Variants in PTPRK observed in about 807,000 individuals in gnomAD.
PTPRK encodes the protein protein tyrosine phosphatase receptor type K.
A neutral mutation model predicts 178.0 loss-of-function variants in PTPRK; 75 were observed. The ratio of observed to expected loss-of-function variants is 0.42; its 90% confidence interval spans 0.35 to 0.51. The LOEUF (loss-of-function observed/expected upper bound fraction) is 0.51, where lower values mean the gene tolerates loss of function less well. Ranked by LOEUF, PTPRK falls within the 20% of genes least tolerant of loss-of-function variation. The pLI is 0.02. For missense variants in PTPRK, 1,441 were observed against 1,797.8 expected (o/e 0.80, Z 3.59); for synonymous variants, 637 against 620.6 (o/e 1.03, Z -0.39).
chr6:128,316,978 G>A (rs370950106), intron 3 of PTPRK, among the ~76,000 whole-genome samples: 4 of 152,218 alleles, frequency 2.6e-5, no homozygotes, highest in South Asian at 2.1e-4. Flanking sequence ...AAAGAGAATC[G>A]TTAAGATTAA....
intron 3 of PTPRK, among the ~76,000 whole-genome samples, chr6:128,267,700 T>G (rs1426230967): frequency 6.6e-6 from 1 of 152,122 alleles, no homozygotes. Flanking sequence ...CCTGGAACTG[T>G]GGCTATGTAA....
intron 7 of PTPRK, among the ~76,000 whole-genome samples, chr6:128,112,937 C>T (rs554563559): frequency 7.2e-5 from 11 of 152,168 alleles, no homozygotes; most frequent in African/African-American, 2.6e-4. Context: ...AGGATTCTTC[C>T]TTCTACAGTC....
Position 128,145,202 on chromosome 6 carries a change from T to C in PTPRK, c.1162+39230A>G, listed in dbSNP as rs183081138. Among the ~76,000 whole-genome samples, 511 of 152,216 alleles carry C rather than the reference T, an allele frequency of 3.4e-3. 17 individuals carry two copies. The highest frequency in any genetic ancestry group is 0.031 in the Admixed American group (474 of 15,260). On this transcript the variant is annotated intron_variant, in intron 7 of 29. Transcript: ENST00000368226. ...AAAGCTAGAGGTGAATTTGTAATAC[T>C]ACTGTTCCTTAAAAATTTGTTAAGA...
At chr6:128,337,213 T>C (rs1295471955) in intron 2 of PTPRK, among the ~76,000 whole-genome samples, 2 of 152,286 alleles carry the variant, frequency 1.3e-5, no homozygotes, top group South Asian at 2.1e-4. Flanking sequence ...TTAGAATGTG[T>C]AGAATTTTCC....
At chr6:128,335,032 G>C (rs530695540) in intron 2 of PTPRK, among the ~76,000 whole-genome samples, 1 of 152,184 alleles carries the variant, frequency 6.6e-6, no homozygotes, top group Non-Finnish European at 1.5e-5. Flanking sequence ...AGTTTGCACT[G>C]AGCCAAAGCC....
intron 10 of PTPRK, among the ~76,000 whole-genome samples, chr6:128,080,551 G>A (rs1457513628): frequency 1.3e-5 from 2 of 151,934 alleles, no homozygotes; most frequent in East Asian, 3.9e-4. Context: ...GAGTTTTTTA[G>A]GAAGCAGAAA....
intron 7 of PTPRK, among the ~76,000 whole-genome samples, chr6:128,122,931 T>C (rs766525282): frequency 2.0e-5 from 3 of 152,182 alleles, no homozygotes; most frequent in Non-Finnish European, 2.9e-5. Flanking sequence ...TTTATGGATA[T>C]GGCATGGTGT....
At chr6:128,461,673 CAG>C (rs1277925874) in intron 1 of PTPRK, among the ~76,000 whole-genome samples, 1 of 151,314 alleles carries the variant, frequency 6.6e-6, no homozygotes, top group African/African-American at 2.5e-5. Flanking sequence ...TTAACGTAGT[CAG>C]AGTTGTGCAA....
intron 2 of PTPRK, among the ~76,000 whole-genome samples, chr6:128,380,835 C>T (rs1837802857): frequency 6.6e-6 from 1 of 152,130 alleles, no homozygotes; most frequent in South Asian, 2.1e-4. Context: ...AATCTGGGCA[C>T]AGCCCAAACA....
chr6:128,313,670 T>A (rs1161548484), intron 3 of PTPRK, among the ~76,000 whole-genome samples: 1 of 152,100 alleles, frequency 6.6e-6, no homozygotes, highest in Non-Finnish European at 1.5e-5. Context: ...AAAGGCTGAG[T>A]GTTTTGACTT....
At chr6:128,512,229 A>G (rs982768635) in intron 1 of PTPRK, among the ~76,000 whole-genome samples, 2 of 152,212 alleles carry the variant, frequency 1.3e-5, no homozygotes, top group African/African-American at 4.8e-5. Context: ...ATATGGAAAT[A>G]CACTGATTTA....
At chr6:128,386,760 C>T (rs1475087950) in intron 2 of PTPRK, among the ~76,000 whole-genome samples, 1 of 152,154 alleles carries the variant, frequency 6.6e-6, no homozygotes, top group African/African-American at 2.4e-5. Context: ...ATAAACACTT[C>T]TTGCTGCACC....
chr6:128,194,368 G>T (rs911299744), intron 6 of PTPRK, among the ~76,000 whole-genome samples: 4 of 152,048 alleles, frequency 2.6e-5, no homozygotes, highest in Non-Finnish European at 5.9e-5. Flanking sequence ...TTACAGGCGT[G>T]AGCCACCGCG....
At chr6:128,208,823 C>G (rs996859316) in intron 6 of PTPRK, among the ~76,000 whole-genome samples, 1 of 152,112 alleles carries the variant, frequency 6.6e-6, no homozygotes, top group Non-Finnish European at 1.5e-5. Context: ...GGCTTACCCA[C>G]ATTCCTAAAG....
chr6:128,191,528 T>C (rs1169569420), intron 6 of PTPRK, among the ~76,000 whole-genome samples: 1 of 151,872 alleles, frequency 6.6e-6, no homozygotes, highest in Non-Finnish European at 1.5e-5. Context: ...TAATTAATAA[T>C]AATTTATTAT....
At chr6:128,107,550 A>G (rs1007876583) in intron 7 of PTPRK, among the ~76,000 whole-genome samples, 1 of 152,214 alleles carries the variant, frequency 6.6e-6, no homozygotes, top group Non-Finnish European at 1.5e-5. Flanking sequence ...GGTCTTTAAA[A>G]TTATTTGTAT....
At chr6:128,053,710 A>G (rs1451863751) in intron 13 of PTPRK, among the ~76,000 whole-genome samples, 3 of 152,034 alleles carry the variant, frequency 2.0e-5, no homozygotes, top group African/African-American at 7.2e-5. Flanking sequence ...TCTGAATCTA[A>G]CTGACTTCTG....
chr6:128,451,748 A>T (rs975059208), intron 1 of PTPRK, among the ~76,000 whole-genome samples: 33 of 152,248 alleles, frequency 2.2e-4, no homozygotes, highest in African/African-American at 7.7e-4. Flanking sequence ...AATTTCTTAT[A>T]TGGTAAATAT....
chr6:128,357,339 T>G (rs1345112790), intron 2 of PTPRK, among the ~76,000 whole-genome samples: 1 of 152,192 alleles, frequency 6.6e-6, no homozygotes, highest in Admixed American at 6.5e-5. Flanking sequence ...TTTTATATGA[T>G]ATCACAATAT....
Sources: allele counts gnomAD v4.1 joint callset (sites outside exome capture counted in the v4.1 genomes callset), GRCh38; gene constraint gnomAD v4.1.1; transcripts MANE v1.5; gene names NCBI Gene and HGNC (gene_info 2026-07-23, HGNC 2026-07-21).